Variants in EMC8 observed in about 807,000 individuals in gnomAD.
The protein encoded by EMC8 is ER membrane protein complex subunit 8.
In EMC8, 11 loss-of-function variants were observed where a neutral mutation model predicts 24.3. That is an observed-to-expected ratio of 0.45 (90% CI 0.28 to 0.75). The LOEUF is 0.75. EMC8 is among the 30% of genes least tolerant of loss of function. The pLI, the probability that EMC8 is intolerant of heterozygous loss-of-function variation, is 0.12. For synonymous variants in EMC8, 145 were observed against 117.7 expected, an observed-to-expected ratio of 1.23 and a Z score of -1.50; for missense variants, 277 against 282.7, an observed-to-expected ratio of 0.98 and a Z score of 0.14.
At position 85,779,558 on chromosome 16, in the gene EMC8, T is replaced by C. The variant is rs1365225795; in HGVS notation, c.*150A>G. 3 of 741,836 alleles carry C rather than the reference T, an allele frequency of 4.0e-6. No homozygotes were observed. Among genetic ancestry groups the C allele is most frequent in the East Asian group, 2.6e-5 (1 of 37,908 alleles). 46.0% of individuals were successfully genotyped at this position (741,836 alleles called of 1,614,324 possible). Reference sequence around the variant, plus strand: ...ACTCTGTGTTAAAAACACGACCGACTGAACATTCTGCCCCCTTTCAAGGCA... The same window carrying C: ...ACTCTGTGTTAAAAACACGACCGACCGAACATTCTGCCCCCTTTCAAGGCA... On this transcript the variant is annotated 3_prime_UTR_variant, in exon 5 of 5. Transcript: ENST00000253457.
intron 1 of EMC8, among the ~76,000 whole-genome samples, chr16:85,796,173 T>A (rs949107115): frequency 3.9e-5 from 6 of 152,110 alleles, no homozygotes; most frequent in African/African-American, 1.4e-4. Context: ...CATTTGAACA[T>A]CTCAAACTTA....
rs1597198201 is a variant in EMC8, at chr16:85,780,541, T to A, written c.379-68A>T. Reference sequence around the variant, plus strand: ...CCAAACAGCAGCGGCAGGCGCCTCCTCGGGGCTCTCCCTGCAGCCGTGCCC... The same window carrying A: ...CCAAACAGCAGCGGCAGGCGCCTCCACGGGGCTCTCCCTGCAGCCGTGCCC... On this transcript the variant is annotated intron_variant, in intron 3 of 4. Transcript: ENST00000253457. The A allele has an allele frequency of 6.0e-6, 7 of 1,161,986 alleles. No individual in the cohort carries two copies. In the South Asian group the frequency reaches 9.0e-5, roughly 15 times the overall value. The allele number at this position is 1,161,986 out of a possible 1,614,324, so 72.0% of individuals were successfully genotyped here.
intron 1 of EMC8, among the ~76,000 whole-genome samples, chr16:85,790,454 T>C (rs1016806543): frequency 8.5e-5 from 13 of 152,246 alleles, no homozygotes; most frequent in African/African-American, 3.1e-4. Context: ...ATAATGGTGC[T>C]ATCATTGTGA....
intron 2 of EMC8, chr16:85,784,960 ATT>A (rs1285823071): frequency 6.6e-6 from 1 of 152,048 alleles, no homozygotes; most frequent in Non-Finnish European, 1.5e-5. Context: ...CTATTCACTG[ATT>A]TTTGAGATGG....
In EMC8 at chr16:85,788,100, C is replaced by T. The variant is rs566983110; in HGVS notation, c.308+874G>A. Among the ~76,000 whole-genome samples the T allele has an allele frequency of 4.6e-5, 7 of 152,320 alleles. No individual in the cohort carries two copies. In the South Asian group the frequency reaches 6.2e-4, roughly 14 times the overall value. On this transcript the variant is annotated intron_variant, in intron 2 of 4. Transcript: ENST00000253457. ...CAGCCTGACGCATGCCCGTTATATA[C>T]GGCGTGGACTTTCCAGCTGCCCATC...
At chr16:85,790,467 T>C (rs10514609) in intron 1 of EMC8, among the ~76,000 whole-genome samples, 89,822 of 152,072 alleles carry the variant, frequency 0.59, 29,958 homozygotes, top group Non-Finnish European at 0.76. Context: ...CATTGTGACT[T>C]TGCTGAAAAC....
rs567740867 is a variant in EMC8 at position 85,794,009 on chromosome 16, T to C, written c.232-4959A>G. On this transcript the variant is annotated intron_variant, in intron 1 of 4. Coordinates refer to ENST00000253457, the MANE Select transcript of EMC8 (RefSeq NM_006067.5). Reference sequence around the variant, plus strand: ...TTCAAAGGAATCTAATGTTGTCCTTTGATAGACAGTCTATGGTCTTTCCCC... The same window carrying C: ...TTCAAAGGAATCTAATGTTGTCCTTCGATAGACAGTCTATGGTCTTTCCCC... Among the ~76,000 whole-genome samples the C allele has an allele frequency of 2.6e-5, 4 of 152,354 alleles. No homozygotes were observed. The East Asian group carries it at 5.8e-4, about 22-fold the overall frequency.
rs938749511 is a variant in EMC8 at position 85,779,119 on chromosome 16, G to A, written c.*589C>T. The stretch of plus-strand genomic sequence containing the variant: ...GCATCAGTGGTGTCACTCCCGCTGG[G>A]CAGAGTTGCGGTGGCTCTGTGAGCC... On this transcript the variant is annotated 3_prime_UTR_variant, in exon 5 of 5. Coordinates refer to ENST00000253457, the MANE Select transcript of EMC8 (RefSeq NM_006067.5). The A allele has an allele frequency of 1.3e-5, 2 of 152,298 alleles. No homozygotes were observed. The highest frequency in any genetic ancestry group is 4.8e-5 in the African/African-American group (2 of 41,446). The allele number at this position is 152,298 out of a possible 1,614,324, so 9.4% of individuals were successfully genotyped here.
At position 85,779,432 on chromosome 16, in the gene EMC8, T is replaced by C; in HGVS notation, c.*276A>G. The C allele has an allele frequency of 3.1e-6, 1 of 323,238 alleles. No homozygotes were observed. The highest frequency in any genetic ancestry group is 5.8e-5 in the East Asian group (1 of 17,344). The allele number at this position is 323,238 out of a possible 1,614,324, so 20.0% of individuals were successfully genotyped here. ...TTAAAACTGTTTAATAGGAACAATC[T>C]TGCACAAGCAGAAAGAGCTTTGATT... On this transcript the variant is annotated 3_prime_UTR_variant, in exon 5 of 5. Transcript: ENST00000253457.
At chr16:85,783,110 C>A (rs1904586634) in intron 2 of EMC8, among the ~76,000 whole-genome samples, 1 of 152,170 alleles carries the variant, frequency 6.6e-6, no homozygotes, top group African/African-American at 2.4e-5. Context: ...CGAGACCAGC[C>A]TGGCCAACAT....
At chr16:85,781,582 C>A in intron 2 of EMC8, 1 of 257,434 alleles carries the variant, frequency 3.9e-6, no homozygotes, top group Non-Finnish European at 7.5e-6. Flanking sequence ...CACAGGCCAC[C>A]ACACCCAGTT....
chr16:85,781,132 G>C (rs1904474900), intron 3 of EMC8, 79 bp downstream of exon 3: 3 of 1,030,170 alleles, frequency 2.9e-6, no homozygotes. Flanking sequence ...TTAGCGGAAA[G>C]GAAACCGCCG....
At chr16:85,795,224 C>T (rs1448642891) in intron 1 of EMC8, among the ~76,000 whole-genome samples, 3 of 151,502 alleles carry the variant, frequency 2.0e-5, no homozygotes, top group South Asian at 4.1e-4. Context: ...TCAAGTTTGT[C>T]TTCAAGAAGC....
At position 85,785,319 on chromosome 16, in the gene EMC8, C is replaced by T. The variant is rs556420924; in HGVS notation, c.308+3655G>A. 9.9e-5 allele frequency among the ~76,000 whole-genome samples: 15 copies of T among 152,216 alleles called. No individual in the cohort carries two copies. In the East Asian group the frequency reaches 1.2e-3, roughly 12 times the overall value. On this transcript the variant is annotated intron_variant, in intron 2 of 4. Coordinates refer to ENST00000253457, the MANE Select transcript of EMC8 (RefSeq NM_006067.5). ...GTGTGGTGGCTCATGCCTGTAATCC[C>T]AGCACTTTGGGAGGTTAAGGTGGGT...
chr16:85,780,527 C>G lies in EMC8; in HGVS notation c.379-54G>C. On this transcript the variant is annotated intron_variant, in intron 3 of 4. Coordinates refer to ENST00000253457, the MANE Select transcript of EMC8 (RefSeq NM_006067.5). ...GAACAGAATGCCAGCCAAACAGCAGCGGCAGGCGCCTCCTCGGGGCTCTCC... is the reference window on the plus strand; with the variant it reads ...GAACAGAATGCCAGCCAAACAGCAGGGGCAGGCGCCTCCTCGGGGCTCTCC... 3 of 1,341,418 alleles carry G rather than the reference C, an allele frequency of 2.2e-6. No homozygotes were observed. In the South Asian group the frequency reaches 3.6e-5, roughly 16 times the overall value. The allele number at this position is 1,341,418 out of a possible 1,614,324, so 83.1% of individuals were successfully genotyped here.
intron 1 of EMC8, among the ~76,000 whole-genome samples, chr16:85,795,273 C>A (rs1905201611): frequency 6.6e-6 from 1 of 152,214 alleles, no homozygotes; most frequent in African/African-American, 2.4e-5. Context: ...TGGCCAGCAG[C>A]CACCACACCT....
intron 1 of EMC8, among the ~76,000 whole-genome samples, chr16:85,793,548 G>A (rs1274716075): frequency 2.6e-5 from 4 of 152,176 alleles, no homozygotes; most frequent in Non-Finnish European, 5.9e-5. Flanking sequence ...AAGGTGGCAC[G>A]TGAATGTTCT....
intron 1 of EMC8, among the ~76,000 whole-genome samples, chr16:85,793,351 T>C (rs1905096470): frequency 6.6e-6 from 1 of 152,140 alleles, no homozygotes; most frequent in African/African-American, 2.4e-5. Context: ...AGTTCAGAAG[T>C]AGAGCAACTG....
intron 1 of EMC8, among the ~76,000 whole-genome samples, chr16:85,797,535 A>C (rs984723879): frequency 6.6e-6 from 1 of 152,264 alleles, no homozygotes; most frequent in Non-Finnish European, 1.5e-5. Context: ...ATATCATCTA[A>C]GTATTATAAT....
Sources: gnomAD v4.1 joint callset for allele counts (sites outside exome capture counted in the v4.1 genomes callset) on GRCh38, gnomAD v4.1.1 for gene constraint, MANE v1.5 for transcripts, NCBI Gene and HGNC (gene_info 2026-07-23, HGNC 2026-07-21) for gene names.